The following LHFPL3 variants were observed in gnomAD, a reference collection of about 807,000 sequenced individuals.
The protein encoded by LHFPL3 is LHFPL tetraspan subfamily member 3 protein.
A neutral mutation model predicts 19.3 loss-of-function variants in LHFPL3; 5 were observed. The observed-to-expected ratio is 0.26, with a 90% CI of 0.14 to 0.54. The LOEUF is 0.54. Among genes scored for constraint, LHFPL3 ranks in the 20% least tolerant of loss-of-function variants. The pLI, the probability that LHFPL3 is intolerant of heterozygous loss-of-function variation, is 0.94. For synonymous variants in LHFPL3, 133 were observed against 126.2 expected (o/e 1.05, Z -0.36); for missense variants, 249 against 307.4 (o/e 0.81, Z 1.42).
Position 104,547,032 on chromosome 7 carries a change from C to T in LHFPL3, c.446-189643C>T, listed in dbSNP as rs1584393290. Among the ~76,000 whole-genome samples, 2 of 27,486 alleles carry T rather than the reference C, an allele frequency of 7.3e-5. 1 individual carries two copies. The highest frequency in any genetic ancestry group is 1.7e-3 in the South Asian group (2 of 1,156). The allele number at this position is 27,486 out of a possible 152,430, so 18.0% of individuals were successfully genotyped here. ...CGGGTGGATCATGAGGTCAGGAGAT[C>T]GAGACCATCCTGGCTAACAAGGTGA... On this transcript the variant is annotated intron_variant, in intron 1 of 2. Coordinates refer to ENST00000424859, the MANE Select transcript of LHFPL3 (RefSeq NM_199000.3).
intron 2 of LHFPL3, among the ~76,000 whole-genome samples, chr7:104,781,195 C>A (rs550455051): frequency 6.6e-6 from 1 of 152,198 alleles, no homozygotes; most frequent in Non-Finnish European, 1.5e-5. Context: ...CTGTCCCACC[C>A]AGTGGCTATT....
At chr7:104,704,524 C>CA (rs985015154) in intron 1 of LHFPL3, among the ~76,000 whole-genome samples, 3 of 146,670 alleles carry the variant, frequency 2.0e-5, no homozygotes, top group Non-Finnish European at 3.0e-5. Context: ...GGATAGAGTA[C>CA]TTTTTTTTTT....
At chr7:104,522,252 T>C (rs1794081612) in intron 1 of LHFPL3, among the ~76,000 whole-genome samples, 1 of 151,606 alleles carries the variant, frequency 6.6e-6, no homozygotes, top group South Asian at 2.1e-4. Context: ...ATGGATGAAA[T>C]TGGAAATCAT....
At chr7:104,769,497 T>C (rs574167457) in intron 2 of LHFPL3, among the ~76,000 whole-genome samples, 93 of 152,342 alleles carry the variant, frequency 6.1e-4, no homozygotes, top group African/African-American at 1.3e-3. Context: ...CTGGGGTACA[T>C]GTGCAGAACA....
intron 1 of LHFPL3, among the ~76,000 whole-genome samples, chr7:104,388,353 G>C (rs1790991563): frequency 6.6e-6 from 1 of 151,984 alleles, no homozygotes; most frequent in African/African-American, 2.4e-5. Context: ...AGAGAATCTT[G>C]AAAGTGACAA....
chr7:104,616,893 G>GA (rs1188404784), intron 1 of LHFPL3, among the ~76,000 whole-genome samples: 1 of 151,766 alleles, frequency 6.6e-6, no homozygotes, highest in Admixed American at 6.6e-5. Flanking sequence ...ACAAACATAT[G>GA]AAAAAAAAGG....
intron 1 of LHFPL3, among the ~76,000 whole-genome samples, chr7:104,685,937 A>C (rs10262694): frequency 5.3e-4 from 81 of 152,376 alleles, no homozygotes; most frequent in African/African-American, 1.9e-3. Context: ...CCTACCATTC[A>C]GATAACTCCA....
intron 2 of LHFPL3, among the ~76,000 whole-genome samples, chr7:104,844,834 G>A (rs1791282675): frequency 1.3e-5 from 2 of 152,172 alleles, no homozygotes; most frequent in Admixed American, 1.3e-4. Flanking sequence ...TGCCTTCCAG[G>A]TTCAAGCAAT....
At chr7:104,434,185 C>T (rs1792057164) in intron 1 of LHFPL3, among the ~76,000 whole-genome samples, 1 of 152,214 alleles carries the variant, frequency 6.6e-6, no homozygotes, top group Non-Finnish European at 1.5e-5. Flanking sequence ...ACTAACTCCC[C>T]TTGATTGGAT....
At position 104,609,041 on chromosome 7, in the gene LHFPL3, C is replaced by T. The variant is rs547877018; in HGVS notation, c.446-127634C>T. On this transcript the variant is annotated intron_variant, in intron 1 of 2. Coordinates refer to ENST00000424859, the MANE Select transcript of LHFPL3 (RefSeq NM_199000.3). Reference sequence around the variant, plus strand: ...CAGCACTTTGGGAGGCTGAGGAGGGCGGATCACAAGGTCAGGAGTTTGAGA... The same window carrying T: ...CAGCACTTTGGGAGGCTGAGGAGGGTGGATCACAAGGTCAGGAGTTTGAGA... Among the ~76,000 whole-genome samples, 396 of 151,844 alleles carry T rather than the reference C, an allele frequency of 2.6e-3. 2 individuals carry two copies. The highest frequency in any genetic ancestry group is 5.4e-3 in the African/African-American group (225 of 41,406).
chr7:104,878,133 C>A (rs1371073648), intron 2 of LHFPL3, among the ~76,000 whole-genome samples: 1 of 152,144 alleles, frequency 6.6e-6, no homozygotes, highest in Non-Finnish European at 1.5e-5. Flanking sequence ...CCGTGCCTGG[C>A]CTATAGCACC....
intron 1 of LHFPL3, among the ~76,000 whole-genome samples, chr7:104,684,529 G>A (rs931047118): frequency 6.6e-6 from 1 of 152,222 alleles, no homozygotes; most frequent in African/African-American, 2.4e-5. Context: ...TAATTTTCAT[G>A]TGTTACTATT....
At chr7:104,373,297 TA>T (rs1214368629) in intron 1 of LHFPL3, among the ~76,000 whole-genome samples, 4 of 152,254 alleles carry the variant, frequency 2.6e-5, no homozygotes, top group African/African-American at 9.6e-5. Context: ...GTCTTTCTTA[TA>T]TGCAGAGTAG....
chr7:104,877,403 A>C (rs1220659378), intron 2 of LHFPL3, among the ~76,000 whole-genome samples: 1 of 152,256 alleles, frequency 6.6e-6, no homozygotes, highest in Non-Finnish European at 1.5e-5. Context: ...CAGCTTTTAA[A>C]ACTCTACAAT....
At chr7:104,645,654 C>CTTTTTTTTTTTTTTTT (rs869151153) in intron 1 of LHFPL3, among the ~76,000 whole-genome samples, 2 of 81,618 alleles carry the variant, frequency 2.5e-5, no homozygotes, top group Non-Finnish European at 2.1e-5. Context: ...ATTGGGTTTT[C>CTTTTTTTTTTTTTTTT]TTTTTTTTTT....
chr7:104,734,518 T>C (rs1333387519), intron 1 of LHFPL3, among the ~76,000 whole-genome samples: 1 of 152,270 alleles, frequency 6.6e-6, no homozygotes, highest in African/African-American at 2.4e-5. Flanking sequence ...AATCAGCTAC[T>C]GAAGCTTGTG....
intron 2 of LHFPL3, among the ~76,000 whole-genome samples, chr7:104,795,382 T>C (rs571977816): frequency 8.5e-5 from 13 of 152,340 alleles, no homozygotes; most frequent in Non-Finnish European, 1.5e-4. Context: ...CAGGCTTCTG[T>C]TCTCTCTCCC....
intron 1 of LHFPL3, among the ~76,000 whole-genome samples, chr7:104,525,284 A>G (rs1384285631): frequency 6.6e-6 from 1 of 152,224 alleles, no homozygotes; most frequent in African/African-American, 2.4e-5. Context: ...ATAACGTGAC[A>G]TAATGGCATC....
intron 2 of LHFPL3, among the ~76,000 whole-genome samples, chr7:104,820,858 C>T (rs766990080): frequency 1.1e-4 from 17 of 152,150 alleles, no homozygotes; most frequent in Non-Finnish European, 2.2e-4. Context: ...TACCAACAAA[C>T]GCCAACACAG....
Sources: gnomAD v4.1 joint callset for allele counts (sites outside exome capture counted in the v4.1 genomes callset) on GRCh38, gnomAD v4.1.1 for gene constraint, MANE v1.5 for transcripts, NCBI Gene and HGNC (gene_info 2026-07-23, HGNC 2026-07-21) for gene names.